ERFL: variants seen among roughly 807,000 people sequenced by gnomAD.
The protein encoded by ERFL is ETS domain-containing transcription factor ERF-like.
In ERFL, 8 loss-of-function variants were observed where a neutral mutation model predicts 27.9. That is an observed-to-expected ratio of 0.29 (90% CI 0.17 to 0.52). The LOEUF (loss-of-function observed/expected upper bound fraction) is 0.52, where lower values mean the gene tolerates loss of function less well. ERFL is among the 20% of genes least tolerant of loss of function. The pLI, the probability that ERFL is intolerant of heterozygous loss-of-function variation, is 0.97. For synonymous variants in ERFL, 174 were observed against 202.8 expected (o/e 0.86, Z 1.21); for missense variants, 294 against 444.4 (o/e 0.66, Z 3.04).
chr19:41,914,243 C>A (rs1262321915), intron 1 of ERFL, among the ~76,000 whole-genome samples: 2 of 151,120 alleles, frequency 1.3e-5, no homozygotes, highest in Admixed American at 1.3e-4. Context: ...CCCCGTCTTT[C>A]TCCATCTGCC....
chr19:41,909,138 G>T lies in ERFL; in HGVS notation c.538C>A (p.Pro180Thr). 8.1e-7 allele frequency: 1 copy of T among 1,231,934 alleles called. No individual in the cohort carries two copies. The highest frequency in any genetic ancestry group is 1.0e-6 in the Non-Finnish European group (1 of 988,152). 76.3% of individuals were successfully genotyped at this position (1,231,934 alleles called of 1,614,324 possible). A position where few individuals can be genotyped will look rare whatever the true frequency, so the allele number is the denominator to read the frequency against. The change falls in exon 5 of 6, where the codon CCA (proline) becomes ACA (threonine). Residue 180 changes from proline (P) to threonine (T), a missense_variant. Pro to Thr is a conservative substitution (Grantham distance 38). Coordinates refer to ENST00000597630, the MANE Select transcript of ERFL (RefSeq NM_001365103.2). The surrounding 1 kb of genome is among the most constrained non-coding windows in gnomAD (Gnocchi z 5.2). ...GTGAACAGGGGTGTCCGGGCCCCTG[G>T]CTCTCCCAGGCGTGGGGCAGAGAAC... ...TLFSAPRLGE[P>T]GARTPLFTSE...
chr19:41,919,159 C>T lies in ERFL; in HGVS notation c.-13-6227G>A, dbSNP rs114902981. ...CCACACACCACACTCACACACCACT[C>T]GCAGCTTACTACTCTCAATACCACA... On this transcript the variant is annotated intron_variant, in intron 1 of 5. Coordinates refer to ENST00000597630, the MANE Select transcript of ERFL (RefSeq NM_001365103.2). Among the ~76,000 whole-genome samples the T allele has an allele frequency of 4.8e-3, 728 of 152,068 alleles. 6 individuals are homozygous for T. Among genetic ancestry groups the T allele is most frequent in the African/African-American group, 0.017 (689 of 41,464 alleles).
chr19:41,909,583 G>A lies in ERFL; in HGVS notation c.303-112C>T. The A allele has an allele frequency of 1.1e-6, 1 of 935,602 alleles. No individual in the cohort carries two copies. The highest frequency in any genetic ancestry group is 3.0e-5 in the East Asian group (1 of 33,228). 58.0% of individuals were successfully genotyped at this position (935,602 alleles called of 1,614,324 possible). A position where few individuals can be genotyped will look rare whatever the true frequency, so the allele number is the denominator to read the frequency against. On this transcript the variant is annotated intron_variant, in intron 3 of 5. Transcript: ENST00000597630. The surrounding 1 kb of genome is among the most constrained non-coding windows in gnomAD (Gnocchi z 5.2). ...CATGGTGCACAGAGCACTAGAACTT[G>A]GGGAAACTGAGGCTCACAGAAGTCC...
Position 41,910,885 on chromosome 19 carries a change from C to T in ERFL, c.68-788G>A, listed in dbSNP as rs782571328. 2.0e-5 allele frequency among the ~76,000 whole-genome samples: 3 copies of T among 152,178 alleles called. No homozygotes were observed. The highest frequency in any genetic ancestry group is 2.9e-5 in the Non-Finnish European group (2 of 68,028). On this transcript the variant is annotated intron_variant, in intron 2 of 5. Coordinates refer to ENST00000597630, the MANE Select transcript of ERFL (RefSeq NM_001365103.2). This position sits in a 1 kb window ranked among gnomAD's most constrained non-coding sequence, Gnocchi z 4.4. ...TGGCAGACACAGGCTGCGCAAGACT[C>T]AAGGTCACGTCATCTCAACAACCCC...
chr19:41,908,102 G>A lies in ERFL; in HGVS notation c.*126C>T, dbSNP rs2074728573. The A allele has an allele frequency of 1.8e-5, 12 of 678,082 alleles. No individual in the cohort carries two copies. Among genetic ancestry groups the A allele is most frequent in the Non-Finnish European group, 2.3e-5 (11 of 482,602 alleles). The allele number at this position is 678,082 out of a possible 1,614,324, so 42.0% of individuals were successfully genotyped here. On this transcript the variant is annotated 3_prime_UTR_variant, in exon 6 of 6. Transcript: ENST00000597630. This position sits in a 1 kb window ranked among gnomAD's most constrained non-coding sequence, Gnocchi z 6.7. ...CACTCTGGGGCTGGGGAAGGAGACTGGGGCAGCAATGTGCCCAGACCTGGG... is the reference window on the plus strand; with the variant it reads ...CACTCTGGGGCTGGGGAAGGAGACTAGGGCAGCAATGTGCCCAGACCTGGG...
chr19:41,913,969 A>C (rs1446786153), intron 1 of ERFL, among the ~76,000 whole-genome samples: 1 of 147,520 alleles, frequency 6.8e-6, no homozygotes, highest in Non-Finnish European at 1.5e-5. Context: ...GCTCTCAAAA[A>C]CCCACTCCTC....
intron 1 of ERFL, among the ~76,000 whole-genome samples, chr19:41,926,565 C>T (rs920256841): frequency 1.3e-5 from 2 of 152,168 alleles, no homozygotes; most frequent in African/African-American, 4.8e-5. Context: ...AGTTCTGGCT[C>T]TCGGGTCCCT....
chr19:41,908,292 T>C lies in ERFL; in HGVS notation c.1001A>G (p.Glu334Gly). Reference protein sequence around the residue: ...TDVSGCSSDSEGDEGLPAPPK... With the variant: ...TDVSGCSSDSGGDEGLPAPPK... ...GGGTGCCGGGAGACCCTCATCGCCCTCGCTGTCAGAGCTGCAGCCGCTGAC... is the reference window on the plus strand; with the variant it reads ...GGGTGCCGGGAGACCCTCATCGCCCCCGCTGTCAGAGCTGCAGCCGCTGAC... Residue 334 changes from glutamate to glycine, a missense_variant, in exon 6 of 6, where the codon GAG (glutamate) becomes GGG (glycine). Around this residue, in one of 3 missense-constraint regions of ERFL, gnomAD observed 246 missense variants for 371.4 expected, o/e 0.66. Transcript: ENST00000597630. The surrounding 1 kb of genome is among the most constrained non-coding windows in gnomAD (Gnocchi z 6.7). The C allele has an allele frequency of 1.6e-6, 2 of 1,231,544 alleles. No homozygotes were observed. The highest frequency in any genetic ancestry group is 3.1e-5 in the African/African-American group (2 of 64,508). The allele number at this position is 1,231,544 out of a possible 1,614,324, so 76.3% of individuals were successfully genotyped here.
intron 1 of ERFL, among the ~76,000 whole-genome samples, chr19:41,914,330 A>C (rs1599673826): frequency 1.6e-4 from 19 of 119,000 alleles, no homozygotes; most frequent in East Asian, 5.3e-4. Flanking sequence ...TCCCCCCACC[A>C]TCTCCCTTCC....
chr19:41,918,318 C>G (rs782212619), intron 1 of ERFL, among the ~76,000 whole-genome samples: 8 of 151,202 alleles, frequency 5.3e-5, no homozygotes, highest in Non-Finnish European at 1.0e-4. Flanking sequence ...CCCCACACAC[C>G]ACATACACAC....
At chr19:41,915,938 C>A (rs1475741359) in intron 1 of ERFL, among the ~76,000 whole-genome samples, 2 of 152,072 alleles carry the variant, frequency 1.3e-5, no homozygotes, top group African/African-American at 4.8e-5. Context: ...CCCCACCCCC[C>A]TCCCCCCCGC....
chr19:41,912,819 G>T (rs1555851377), intron 2 of ERFL, 34 bp downstream of exon 2: 7 of 861,788 alleles, frequency 8.1e-6, no homozygotes, highest in Non-Finnish European at 9.2e-6. Context: ...CCTGAGGGGT[G>T]GGGGAAGGGG....
At chr19:41,922,760 A>C (rs1555852664) in intron 1 of ERFL, among the ~76,000 whole-genome samples, 1 of 152,214 alleles carries the variant, frequency 6.6e-6, no homozygotes, top group African/African-American at 2.4e-5. Context: ...CTCCAGGGGC[A>C]TCAGGCGCGG....
rs1156822981 is a variant in ERFL, at chr19:41,928,098, G to T, written c.-72C>A. On this transcript the variant is annotated 5_prime_UTR_variant, in exon 1 of 6. Coordinates refer to ENST00000597630, the MANE Select transcript of ERFL (RefSeq NM_001365103.2). The stretch of plus-strand genomic sequence containing the variant: ...GAGAAGTGTTTAAAGTTCGGATCCC[G>T]CAGCCATGGCCCCCGCGGCGTCCTG... 1 of 152,192 alleles carries T rather than the reference G, an allele frequency of 6.6e-6. No individual in the cohort carries two copies. Among genetic ancestry groups the T allele is most frequent in the Non-Finnish European group, 1.5e-5 (1 of 68,066 alleles). The allele number at this position is 152,192 out of a possible 1,614,324, so 9.4% of individuals were successfully genotyped here. A position where few individuals can be genotyped will look rare whatever the true frequency, so the allele number is the denominator to read the frequency against.
At chr19:41,920,018 TG>T (rs1417130922) in intron 1 of ERFL, among the ~76,000 whole-genome samples, 44 of 121,878 alleles carry the variant, frequency 3.6e-4, no homozygotes, top group African/African-American at 1.3e-3. Flanking sequence ...CTCACAGACA[TG>T]ACGCGCTCAC....
Position 41,916,099 on chromosome 19 carries a change from C to T in ERFL, c.-13-3167G>A, listed in dbSNP as rs1265777996. On this transcript the variant is annotated intron_variant, in intron 1 of 5. Coordinates refer to ENST00000597630, the MANE Select transcript of ERFL (RefSeq NM_001365103.2). This position sits in a 1 kb window ranked among gnomAD's most constrained non-coding sequence, Gnocchi z 5.4. ...ATGTGAGCGAAGCGGTGTGCAGAGG[C>T]GCTGGGCAGGCGAGGGCCCTCCTCC... 1.3e-5 allele frequency among the ~76,000 whole-genome samples: 2 copies of T among 152,102 alleles called. No homozygotes were observed. Among genetic ancestry groups the T allele is most frequent in the African/African-American group, 2.4e-5 (1 of 41,474 alleles).
chr19:41,916,281 CAA>C lies in ERFL; in HGVS notation c.-13-3351_-13-3350del, dbSNP rs138722746. Among the ~76,000 whole-genome samples the C allele has an allele frequency of 0.26, 39,215 of 151,522 alleles. 10,776 individuals are homozygous for C. Among genetic ancestry groups the C allele is most frequent in the African/African-American group, 0.7 (28,749 of 41,152 alleles). ...CACACTGCATGAGCCCACATGTCAA[CAA>C]AGTCACACACAGCACCACGTCCCAC... On this transcript the variant is annotated intron_variant, in intron 1 of 5. Transcript: ENST00000597630. This position sits in a 1 kb window ranked among gnomAD's most constrained non-coding sequence, Gnocchi z 5.4.
intron 1 of ERFL, among the ~76,000 whole-genome samples, chr19:41,926,262 G>T (rs570232487): frequency 2.6e-5 from 4 of 151,902 alleles, no homozygotes; most frequent in Non-Finnish European, 5.9e-5. Flanking sequence ...GTGTGAGGGG[G>T]ACAAGTGTTA....
At chr19:41,918,005 C>A (rs902722942) in intron 1 of ERFL, among the ~76,000 whole-genome samples, 3 of 152,102 alleles carry the variant, frequency 2.0e-5, no homozygotes, top group African/African-American at 7.2e-5. Flanking sequence ...CAGGGGCCGG[C>A]CCTCGACAGG....
Sources: allele counts gnomAD v4.1 joint callset (sites outside exome capture counted in the v4.1 genomes callset), GRCh38; gene constraint gnomAD v4.1.1; regional missense constraint gnomAD v4.1.1; non-coding constraint Gnocchi (gnomAD v3.1); transcripts MANE v1.5; gene names NCBI Gene and HGNC (gene_info 2026-07-23, HGNC 2026-07-21).